The following TWNK variants were observed in gnomAD, a reference collection of about 807,000 sequenced individuals.
TWNK encodes the protein T7 gp4-like protein with intramitochondrial nucleoid localization.
In TWNK, 36 loss-of-function variants were observed where a neutral mutation model predicts 58.2. The observed-to-expected ratio is 0.62, with a 90% confidence interval of 0.47 to 0.82. The LOEUF is 0.82. Ranked by LOEUF, TWNK falls within the 40% of genes least tolerant of loss-of-function variation. The pLI, the probability that TWNK is intolerant of heterozygous loss-of-function variation, is 0.00. For missense variants in TWNK, 714 were observed against 881.0 expected, an observed-to-expected ratio of 0.81 and a Z score of 2.40; for synonymous variants, 349 against 348.5, an observed-to-expected ratio of 1.00 and a Z score of -0.02.
Position 100,987,987 on chromosome 10 carries a change from C to A in TWNK, c.-224C>A. 1 of 643,776 alleles carries A rather than the reference C, an allele frequency of 1.6e-6. No homozygotes were observed. Among genetic ancestry groups the A allele is most frequent in the Non-Finnish European group, 2.8e-6 (1 of 357,232 alleles). The allele number at this position is 643,776 out of a possible 1,614,324, so 39.9% of individuals were successfully genotyped here. On this transcript the variant is annotated 5_prime_UTR_variant, in exon 1 of 5. Coordinates refer to ENST00000311916, the MANE Select transcript of TWNK (RefSeq NM_021830.5). ...CTAACGGACCATAGAGGTGGGGGAGCCATTGTAGAAGGACGTGGACGCGAA... is the reference window on the plus strand; with the variant it reads ...CTAACGGACCATAGAGGTGGGGGAGACATTGTAGAAGGACGTGGACGCGAA...
rs947189785 is a variant in TWNK, at chr10:100,991,110, C to T, written c.1734+100C>T. ...GCCTTAATCGTCTTGACTGTCCATC[C>T]GAACAGGCAGGAGGCAATGCCTCTG... On this transcript the variant is annotated intron_variant, in intron 4 of 4. Coordinates refer to ENST00000311916, the MANE Select transcript of TWNK (RefSeq NM_021830.5). The T allele has an allele frequency of 4.1e-5, 64 of 1,561,624 alleles. No homozygotes were observed. The Middle Eastern group carries it at 6.5e-4, about 16-fold the overall frequency.
At chr10:100,992,203 A>G (rs896096740) in intron 4 of TWNK, among the ~76,000 whole-genome samples, 10 of 109,352 alleles carry the variant, frequency 9.1e-5, no homozygotes, top group Non-Finnish European at 1.9e-4. Flanking sequence ...GTGAGACCCT[A>G]TCTTTTTTTT....
In TWNK at chr10:100,993,825, A is replaced by G. The variant is rs1851852115; in HGVS notation, c.*315A>G. 2.4e-6 allele frequency: 1 copy of G among 416,564 alleles called. No individual in the cohort carries two copies. Among genetic ancestry groups the G allele is most frequent in the African/African-American group, 2.0e-5 (1 of 49,908 alleles). 25.8% of individuals were successfully genotyped at this position (416,564 alleles called of 1,614,324 possible). A position where few individuals can be genotyped will look rare whatever the true frequency, so the allele number is the denominator to read the frequency against. ...TAGCAGAAAACCTAGTTTTAGTGAAAAATGCTGTAAAGAAAATAGAAATGC... is the reference window on the plus strand; with the variant it reads ...TAGCAGAAAACCTAGTTTTAGTGAAGAATGCTGTAAAGAAAATAGAAATGC... On this transcript the variant is annotated 3_prime_UTR_variant, in exon 5 of 5. Transcript: ENST00000311916.
rs964848139 is a variant in TWNK at position 100,987,864 on chromosome 10, G to T, written c.-347G>T. ...GAAATGAGGACGACGAGGAGATGCT[G>T]TGGAGGAGCAGTAGAGGTGAGAAGA... is the stretch of plus-strand genomic sequence containing the variant. On this transcript the variant is annotated 5_prime_UTR_variant, in exon 1 of 5. Transcript: ENST00000311916. 1.7e-6 allele frequency: 1 copy of T among 595,192 alleles called. No homozygotes were observed. Among genetic ancestry groups the T allele is most frequent in the Non-Finnish European group, 3.0e-6 (1 of 336,448 alleles). The allele number at this position is 595,192 out of a possible 1,614,324, so 36.9% of individuals were successfully genotyped here. A position where few individuals can be genotyped will look rare whatever the true frequency, so the allele number is the denominator to read the frequency against.
At position 100,994,095 on chromosome 10, in the gene TWNK, C is replaced by T. The variant is rs1355731536; in HGVS notation, c.*585C>T. 1 of 160,812 alleles carries T rather than the reference C, an allele frequency of 6.2e-6. No homozygotes were observed. The highest frequency in any genetic ancestry group is 5.8e-5 in the Admixed American group (1 of 17,212). The allele number at this position is 160,812 out of a possible 1,614,324, so 10.0% of individuals were successfully genotyped here. ...TCGGGGACTTCATGCGAAACTCCAG[C>T]CTAGGCTTTCAAAGTCAAAGGGTGA... On this transcript the variant is annotated 3_prime_UTR_variant, in exon 5 of 5. Coordinates refer to ENST00000311916, the MANE Select transcript of TWNK (RefSeq NM_021830.5).
Position 100,993,554 on chromosome 10 carries a change from G to T in TWNK, c.*44G>T. The T allele has an allele frequency of 6.2e-7, 1 of 1,604,134 alleles. No homozygotes were observed. Among genetic ancestry groups the T allele is most frequent in the Non-Finnish European group, 8.5e-7 (1 of 1,172,408 alleles). On this transcript the variant is annotated 3_prime_UTR_variant, in exon 5 of 5. Transcript: ENST00000311916. ...CACTGAAATGAGCCTGATAGGATAG[G>T]CTGGAGCATAAAACTCTGCAAGGGC...
At position 100,987,593 on chromosome 10, in the gene TWNK, G is replaced by C. The variant is rs1026286949; in HGVS notation, c.-618G>C. The C allele has an allele frequency of 8.3e-7, 1 of 1,208,988 alleles. No individual in the cohort carries two copies. The highest frequency in any genetic ancestry group is 1.1e-6 in the Non-Finnish European group (1 of 890,014). 74.9% of individuals were successfully genotyped at this position (1,208,988 alleles called of 1,614,324 possible). On this transcript the variant is annotated 5_prime_UTR_variant, in exon 1 of 5. Transcript: ENST00000311916. ...TGTGCGGGAGACTCACGTTGCCGGC[G>C]AAGTGGGAGAGAGAAAAGTGGTAAC...
chr10:100,994,363 T>C lies in TWNK; in HGVS notation c.*853T>C, dbSNP rs1441631833. On this transcript the variant is annotated 3_prime_UTR_variant, in exon 5 of 5. Transcript: ENST00000311916. Reference sequence around the variant, plus strand: ...AGACTGCTGGAGTCAGGACATTTTATAGAGCCTTTTCCAGTTTTACTAAAA... The same window carrying C: ...AGACTGCTGGAGTCAGGACATTTTACAGAGCCTTTTCCAGTTTTACTAAAA... 1.3e-5 allele frequency: 2 copies of C among 152,232 alleles called. No homozygotes were observed. The highest frequency in any genetic ancestry group is 2.9e-5 in the Non-Finnish European group (2 of 68,050). 9.4% of individuals were successfully genotyped at this position (152,232 alleles called of 1,614,324 possible).
At chr10:100,990,644 A>T (rs1374449358) in intron 3 of TWNK, 101 bp downstream of exon 3, 1 of 1,608,476 alleles carries the variant, frequency 6.2e-7, no homozygotes, top group Non-Finnish European at 8.5e-7. Context: ...GTGCTCTCCT[A>T]TTTTCTGAGA....
In TWNK at chr10:100,987,656, T is replaced by C. The variant is rs1017737857; in HGVS notation, c.-555T>C. ...GCCGGCGCGGCGGAGCTCGGAGTAG[T>C]AGAGCGGAGTGAAGACACGGGGGAG... On this transcript the variant is annotated 5_prime_UTR_variant, in exon 1 of 5. Coordinates refer to ENST00000311916, the MANE Select transcript of TWNK (RefSeq NM_021830.5). 2.2e-5 allele frequency: 14 copies of C among 644,636 alleles called. No individual in the cohort carries two copies. Among genetic ancestry groups the C allele is most frequent in the Middle Eastern group, 4.2e-4 (1 of 2,380 alleles). The allele number at this position is 644,636 out of a possible 1,614,324, so 39.9% of individuals were successfully genotyped here. A position where few individuals can be genotyped will look rare whatever the true frequency, so the allele number is the denominator to read the frequency against.
chr10:100,993,129 C>G (rs1164962144), intron 4 of TWNK, 61 bp from the exon 5 acceptor site: 78 of 1,564,706 alleles, frequency 5.0e-5, no homozygotes, highest in African/African-American at 4.1e-5. Flanking sequence ...GTCAGCCCCC[C>G]TTTCTGCTTT....
At position 100,989,497 on chromosome 10, in the gene TWNK, A is replaced by G. The variant is rs763552770; in HGVS notation, c.1243+44A>G. 2.5e-6 allele frequency: 4 copies of G among 1,611,354 alleles called. No homozygotes were observed. Among genetic ancestry groups the G allele is most frequent in the Non-Finnish European group, 3.4e-6 (4 of 1,179,662 alleles). ...ACTACTTAGAGTAAAGGGGCAGAAG[A>G]TCAGGTGACAAAAGCAAGTGGGTTT... On this transcript the variant is annotated intron_variant, in intron 1 of 4. Transcript: ENST00000311916. This position sits in a 1 kb window ranked among gnomAD's most constrained non-coding sequence, Gnocchi z 7.6.
In TWNK at chr10:100,993,653, T is replaced by C; in HGVS notation, c.*143T>C. 1.1e-6 allele frequency: 1 copy of C among 922,396 alleles called. No individual in the cohort carries two copies. The highest frequency in any genetic ancestry group is 1.7e-6 in the Non-Finnish European group (1 of 598,720). The allele number at this position is 922,396 out of a possible 1,614,324, so 57.1% of individuals were successfully genotyped here. Reference sequence around the variant, plus strand: ...CCTAACCTAGAGCAGGTTTCCATAGTGAGAAAATTCAATGTAGCAGACTAC... The same window carrying C: ...CCTAACCTAGAGCAGGTTTCCATAGCGAGAAAATTCAATGTAGCAGACTAC... On this transcript the variant is annotated 3_prime_UTR_variant, in exon 5 of 5. Transcript: ENST00000311916.
Position 100,987,759 on chromosome 10 carries a change from T to TGAG in TWNK, c.-450_-448dup. ...TGCTCTCGCCGTGTTGAGGTCCCAG[T>TGAG]GAGGGGAAGGAGAAGCGGAAGAGGG... On this transcript the variant is annotated 5_prime_UTR_variant, in exon 1 of 5. Coordinates refer to ENST00000311916, the MANE Select transcript of TWNK (RefSeq NM_021830.5). 1 of 575,422 alleles carries TGAG rather than the reference T, an allele frequency of 1.7e-6. No homozygotes were observed. Among genetic ancestry groups the TGAG allele is most frequent in the Non-Finnish European group, 3.1e-6 (1 of 326,196 alleles). The allele number at this position is 575,422 out of a possible 1,614,324, so 35.6% of individuals were successfully genotyped here.
In TWNK at chr10:100,989,345, G is replaced by T; in HGVS notation, c.1135G>T (p.Gly379Ter). 1 of 1,614,202 alleles carries T rather than the reference G, an allele frequency of 6.2e-7. No homozygotes were observed. The highest frequency in any genetic ancestry group is 8.5e-7 in the Non-Finnish European group (1 of 1,180,042). ...CCGGCAGCTTCGGGAGGAGGTGCTA[G>T]GAGAACTGTCAAATGTGGAGCAAGC... ...SFRQLREEVL[G>*]ELSNVEQAAG... The change falls in exon 1 of 5, where the codon GGA becomes TGA. Residue 379 changes from glycine to a stop codon, truncating the protein, a stop_gained. Transcript: ENST00000311916. LOFTEE classifies it high-confidence loss of function. This position sits in a 1 kb window ranked among gnomAD's most constrained non-coding sequence, Gnocchi z 7.6.
chr10:100,993,206 A>G lies in TWNK; in HGVS notation c.1751A>G (p.Asp584Gly). 1 of 1,614,180 alleles carries G rather than the reference A, an allele frequency of 6.2e-7. No individual in the cohort carries two copies. The highest frequency in any genetic ancestry group is 8.5e-7 in the Non-Finnish European group (1 of 1,180,038). Residue 584 changes from aspartate (D) to glycine (G), a missense_variant, in exon 5 of 5, where the codon GAC becomes GGC. Coordinates refer to ENST00000311916, the MANE Select transcript of TWNK (RefSeq NM_021830.5). Reference sequence around the variant, plus strand: ...GTTCCCCAGGCAAGCCAGGAAGCAGACAATGTTCTGATCCTGCAGGACAGG... The same window carrying G: ...GTTCCCCAGGCAAGCCAGGAAGCAGGCAATGTTCTGATCCTGCAGGACAGG... Reference protein sequence around the residue: ...FGSAKASQEADNVLILQDRKL... With the variant: ...FGSAKASQEAGNVLILQDRKL...
In TWNK at chr10:100,987,985, A is replaced by G; in HGVS notation, c.-226A>G. On this transcript the variant is annotated 5_prime_UTR_variant, in exon 1 of 5. Coordinates refer to ENST00000311916, the MANE Select transcript of TWNK (RefSeq NM_021830.5). ...AACTAACGGACCATAGAGGTGGGGG[A>G]GCCATTGTAGAAGGACGTGGACGCG... 1.6e-6 allele frequency: 1 copy of G among 643,532 alleles called. No homozygotes were observed. Among genetic ancestry groups the G allele is most frequent in the East Asian group, 2.7e-5 (1 of 36,794 alleles). The allele number at this position is 643,532 out of a possible 1,614,324, so 39.9% of individuals were successfully genotyped here. A position where few individuals can be genotyped will look rare whatever the true frequency, so the allele number is the denominator to read the frequency against.
chr10:100,989,230 C>T lies in TWNK; in HGVS notation c.1020C>T (p.Pro340=), dbSNP rs775807203. 2.5e-6 allele frequency: 4 copies of T among 1,614,182 alleles called. No individual in the cohort carries two copies. The East Asian group carries it at 6.7e-5, about 27-fold the overall frequency. The change falls in exon 1 of 5, where the codon CCC becomes CCT. Residue 340 remains proline (P), a synonymous_variant. Transcript: ENST00000311916. The surrounding 1 kb of genome is among the most constrained non-coding windows in gnomAD (Gnocchi z 7.6). ...TGGTGCGACCAGGAGACCAGCAACC[C>T]CGTCCCCTGGAGGCCCTGAACGGAG... The part of the protein sequence containing the change: ...CFLVRPGDQQ[P]RPLEALNGGF...
rs879612003 is a variant in TWNK, at chr10:100,989,558, T to TC, written c.1244-80dup. On this transcript the variant is annotated intron_variant, in intron 1 of 4. Transcript: ENST00000311916. This position sits in a 1 kb window ranked among gnomAD's most constrained non-coding sequence, Gnocchi z 7.6. The stretch of plus-strand genomic sequence containing the variant: ...AATGTTGAAAAGAAGGTTGGCCCTT[T>TC]CCCCCCAGTTTTAAAGCCCTGACCT... The TC allele has an allele frequency of 5.0e-6, 8 of 1,610,308 alleles. No homozygotes were observed. Among genetic ancestry groups the TC allele is most frequent in the South Asian group, 2.2e-5 (2 of 90,764 alleles).
Sources: gnomAD v4.1 joint callset for allele counts (sites outside exome capture counted in the v4.1 genomes callset) on GRCh38, gnomAD v4.1.1 for gene constraint, Gnocchi (gnomAD v3.1) non-coding constraint, MANE v1.5 for transcripts, NCBI Gene and HGNC (gene_info 2026-07-23, HGNC 2026-07-21) for gene names.